The following FGGY variants were observed in gnomAD, a reference collection of about 807,000 sequenced individuals.
FGGY encodes the protein FGGY carbohydrate kinase domain-containing protein.
In FGGY, 72 loss-of-function variants were observed where a neutral mutation model predicts 71.3. The ratio of observed to expected loss-of-function variants is 1.01; its 90% confidence interval spans 0.84 to 1.23. The LOEUF (loss-of-function observed/expected upper bound fraction) is 1.23. Ranked by LOEUF, FGGY falls within the 50% of genes most tolerant of loss-of-function variation. FGGY has a pLI of 0.00. For missense variants in FGGY, 668 were observed against 682.3 expected (o/e 0.98, Z 0.23); for synonymous variants, 251 against 250.3 (o/e 1.00, Z -0.02).
At chr1:59,584,923 C>G (rs940719707) in intron 8 of FGGY, among the ~76,000 whole-genome samples, 1 of 151,110 alleles carries the variant, frequency 6.6e-6, no homozygotes, top group African/African-American at 2.5e-5. Flanking sequence ...TTCACAATTG[C>G]TTCAAAGAGA....
intron 8 of FGGY, among the ~76,000 whole-genome samples, chr1:59,571,620 C>T (rs1327533223): frequency 1.3e-5 from 2 of 152,190 alleles, no homozygotes; most frequent in South Asian, 2.1e-4. Flanking sequence ...ACTTGTGTAC[C>T]AGTAAGTGCC....
intron 10 of FGGY, among the ~76,000 whole-genome samples, chr1:59,632,596 G>A (rs2096918296): frequency 6.6e-6 from 1 of 152,110 alleles, no homozygotes; most frequent in Non-Finnish European, 1.5e-5. Flanking sequence ...GGGAAAAAAA[G>A]GACAATAACA....
At chr1:59,592,509 A>G (rs922407190) in intron 8 of FGGY, among the ~76,000 whole-genome samples, 1 of 152,200 alleles carries the variant, frequency 6.6e-6, no homozygotes, top group Non-Finnish European at 1.5e-5. Context: ...TGCACTATTC[A>G]CAATAGCAAA....
chr1:59,348,660 G>T (rs1370168772), intron 4 of FGGY, among the ~76,000 whole-genome samples: 1 of 152,148 alleles, frequency 6.6e-6, no homozygotes, highest in Admixed American at 6.5e-5. Context: ...ATGGAGATGG[G>T]GAGAGCTTAG....
At chr1:59,582,655 T>A (rs1393304794) in intron 8 of FGGY, among the ~76,000 whole-genome samples, 2 of 147,192 alleles carry the variant, frequency 1.4e-5, no homozygotes, top group African/African-American at 5.3e-5. Context: ...GATTAGGTGG[T>A]GTATCTATGT....
At chr1:59,317,027 G>T (rs1268234648) in intron 1 of FGGY, among the ~76,000 whole-genome samples, 2 of 152,138 alleles carry the variant, frequency 1.3e-5, no homozygotes, top group African/African-American at 4.8e-5. Flanking sequence ...CCCAGCCCCT[G>T]TGCTTCTGTA....
At chr1:59,618,619 ATAAT>A (rs1443769718) in intron 9 of FGGY, among the ~76,000 whole-genome samples, 3 of 152,142 alleles carry the variant, frequency 2.0e-5, no homozygotes, top group Non-Finnish European at 4.4e-5. Context: ...TGGGAGAAAA[ATAAT>A]TAAATACAAT....
intron 5 of FGGY, among the ~76,000 whole-genome samples, chr1:59,397,032 T>G (rs1179898911): frequency 4.4e-5 from 6 of 137,030 alleles, no homozygotes. Context: ...ATGTCTTGAG[T>G]CTGCTTTTTT....
At chr1:59,718,015 T>G (rs982668247) in intron 14 of FGGY, among the ~76,000 whole-genome samples, 1 of 152,154 alleles carries the variant, frequency 6.6e-6, no homozygotes, top group African/African-American at 2.4e-5. Flanking sequence ...GTAGAGAAAC[T>G]ACACTTTGAA....
chr1:59,609,464 A>G (rs1351088502), intron 9 of FGGY, among the ~76,000 whole-genome samples: 3 of 152,238 alleles, frequency 2.0e-5, no homozygotes, highest in Non-Finnish European at 2.9e-5. Flanking sequence ...TCAACAGACA[A>G]AAAGCCACAA....
At chr1:59,613,107 A>G (rs1327505349) in intron 9 of FGGY, among the ~76,000 whole-genome samples, 2 of 152,236 alleles carry the variant, frequency 1.3e-5, no homozygotes, top group Non-Finnish European at 2.9e-5. Flanking sequence ...AACGTTAACA[A>G]GGATATCCAG....
At chr1:59,473,171 G>A (rs1240914761) in intron 6 of FGGY, among the ~76,000 whole-genome samples, 2 of 152,088 alleles carry the variant, frequency 1.3e-5, no homozygotes. Flanking sequence ...GGTCCACTTT[G>A]CCTTTATGAG....
At chr1:59,595,908 T>G (rs935381384) in intron 8 of FGGY, among the ~76,000 whole-genome samples, 1 of 152,190 alleles carries the variant, frequency 6.6e-6, no homozygotes, top group Non-Finnish European at 1.5e-5. Flanking sequence ...TCGAAGGCAT[T>G]TTGTTATGAT....
At chr1:59,615,446 G>T (rs374267888) in intron 9 of FGGY, among the ~76,000 whole-genome samples, 53 of 152,098 alleles carry the variant, frequency 3.5e-4, no homozygotes, top group African/African-American at 1.1e-3. Context: ...TAGCCATATG[G>T]AGAAAGCTGA....
intron 6 of FGGY, among the ~76,000 whole-genome samples, chr1:59,510,805 C>T (rs1484819913): frequency 6.6e-6 from 1 of 152,150 alleles, no homozygotes; most frequent in East Asian, 1.9e-4. Flanking sequence ...CTTAACACCT[C>T]TCAATTCAGA....
intron 8 of FGGY, among the ~76,000 whole-genome samples, chr1:59,592,246 C>T (rs1318377558): frequency 6.6e-6 from 1 of 152,152 alleles, no homozygotes; most frequent in Non-Finnish European, 1.5e-5. Flanking sequence ...TACCATCTCA[C>T]ACCAGTTAGA....
At chr1:59,444,850 G>A (rs2070854933) in intron 5 of FGGY, among the ~76,000 whole-genome samples, 1 of 152,162 alleles carries the variant, frequency 6.6e-6, no homozygotes, top group Non-Finnish European at 1.5e-5. Context: ...GGGTCCTGGT[G>A]CCCAAAAGGC....
intron 5 of FGGY, among the ~76,000 whole-genome samples, chr1:59,400,882 C>T (rs2061876453): frequency 1.3e-5 from 2 of 152,048 alleles, no homozygotes; most frequent in South Asian, 2.1e-4. Flanking sequence ...AGCAATCTGC[C>T]CTCCTCAGCC....
At chr1:59,385,431 G>A (rs1195654899) in intron 5 of FGGY, among the ~76,000 whole-genome samples, 1 of 152,142 alleles carries the variant, frequency 6.6e-6, no homozygotes, top group Non-Finnish European at 1.5e-5. Context: ...TTTAGCAAAT[G>A]TTAACTCTGT....
Sources: allele counts gnomAD v4.1 joint callset (sites outside exome capture counted in the v4.1 genomes callset), GRCh38; gene constraint gnomAD v4.1.1; transcripts MANE v1.5; gene names NCBI Gene and HGNC (gene_info 2026-07-23, HGNC 2026-07-21).